SEMA3D: variants seen among roughly 807,000 people sequenced by gnomAD.
The protein encoded by SEMA3D is semaphorin-3D.
In SEMA3D, 84 loss-of-function variants were observed where a neutral mutation model predicts 100.1. The ratio of observed to expected loss-of-function variants is 0.84; its 90% CI spans 0.70 to 1.01. SEMA3D has a LOEUF of 1.01. SEMA3D is among the 50% of genes least tolerant of loss of function. The pLI is 0.00. For missense variants in SEMA3D, 875 were observed against 934.1 expected, an observed-to-expected ratio of 0.94 and a Z score of 0.82; for synonymous variants, 312 against 320.7, an observed-to-expected ratio of 0.97 and a Z score of 0.29.
At chr7:85,233,822 GA>G in the SEMA3D span, among the ~76,000 whole-genome samples, 2 of 152,112 alleles carry the variant, frequency 1.3e-5, no homozygotes, top group African/African-American at 4.8e-5. Flanking sequence ...TTTTCGTTGT[GA>G]AAGACAAAGG....
chr7:85,119,453 T>A (rs939347113), intron 3 of SEMA3D, among the ~76,000 whole-genome samples: 2 of 152,128 alleles, frequency 1.3e-5, no homozygotes, highest in Admixed American at 6.6e-5. Flanking sequence ...AACGAGATCA[T>A]GTTCTTTGCA....
chr7:85,065,021 T>C (rs1432171541), intron 8 of SEMA3D, among the ~76,000 whole-genome samples: 1 of 152,174 alleles, frequency 6.6e-6, no homozygotes, highest in African/African-American at 2.4e-5. Context: ...TTACACAGAC[T>C]GCAAGAGTAA....
At chr7:85,054,627 A>G (rs1791257367) in intron 9 of SEMA3D, among the ~76,000 whole-genome samples, 1 of 152,106 alleles carries the variant, frequency 6.6e-6, no homozygotes, top group South Asian at 2.1e-4. Flanking sequence ...TTTCATTAGC[A>G]CTTTTAAGTG....
chr7:85,117,531 C>T (rs1458825931), intron 3 of SEMA3D, among the ~76,000 whole-genome samples: 1 of 152,096 alleles, frequency 6.6e-6, no homozygotes, highest in Non-Finnish European at 1.5e-5. Flanking sequence ...ATAAGCCCAG[C>T]ATTTTGGGAA....
At chr7:85,022,682 T>C (rs990227943) in intron 12 of SEMA3D, 69 bp from the exon 13 acceptor site, 42 of 955,692 alleles carry the variant, frequency 4.4e-5, no homozygotes, top group Non-Finnish European at 7.0e-5. Context: ...TTATTTCCAA[T>C]AAAATTTGTA....
At chr7:85,156,967 C>T (rs1218284093) in intron 1 of SEMA3D, among the ~76,000 whole-genome samples, 1 of 152,100 alleles carries the variant, frequency 6.6e-6, no homozygotes, top group Non-Finnish European at 1.5e-5. Context: ...CACTACAGTG[C>T]CCAAATGGAA....
At chr7:85,205,773 G>C in the SEMA3D span, among the ~76,000 whole-genome samples, 1 of 152,048 alleles carries the variant, frequency 6.6e-6, no homozygotes, top group Non-Finnish European at 1.5e-5. Flanking sequence ...CCATGTAGGT[G>C]CTGCTTGCCC....
chr7:85,024,151 G>A (rs1036403034), intron 12 of SEMA3D, among the ~76,000 whole-genome samples: 1 of 151,830 alleles, frequency 6.6e-6, no homozygotes, highest in African/African-American at 2.4e-5. Flanking sequence ...GATTAAGCAG[G>A]GACTCAAAAT....
At position 84,999,412 on chromosome 7, in the gene SEMA3D, A is replaced by G; in HGVS notation, c.*28T>C. The G allele has an allele frequency of 6.3e-7, 1 of 1,576,304 alleles. No individual in the cohort carries two copies. The highest frequency in any genetic ancestry group is 8.7e-7 in the Non-Finnish European group (1 of 1,149,594). On this transcript the variant is annotated 3_prime_UTR_variant, in exon 19 of 19. Transcript: ENST00000284136. ...GAAGGCAATGTTTTTATAGGTAAGG[A>G]ATTCTTTTCTTTAAATTAAGTAGAA...
At chr7:85,060,174 C>T (rs971575231) in intron 8 of SEMA3D, among the ~76,000 whole-genome samples, 6 of 152,028 alleles carry the variant, frequency 3.9e-5, no homozygotes, top group Non-Finnish European at 7.4e-5. Flanking sequence ...AAATGTTTTG[C>T]AAGGGAATAC....
chr7:85,159,092 T>G (rs1310172217), intron 1 of SEMA3D, among the ~76,000 whole-genome samples: 1 of 152,162 alleles, frequency 6.6e-6, no homozygotes, highest in African/African-American at 2.4e-5. Flanking sequence ...TTTCGTCTGT[T>G]TTTTCCTCAT....
intron 15 of SEMA3D, among the ~76,000 whole-genome samples, chr7:85,015,747 T>C (rs1790079941): frequency 6.6e-6 from 1 of 151,832 alleles, no homozygotes; most frequent in African/African-American, 2.4e-5. Context: ...GAAGAAAGTA[T>C]TAAACAGGCT....
the SEMA3D span, among the ~76,000 whole-genome samples, chr7:85,248,668 A>G: frequency 6.6e-6 from 1 of 152,218 alleles, no homozygotes; most frequent in African/African-American, 2.4e-5. Context: ...CTATCCAGTC[A>G]TGAAAAGACA....
intron 2 of SEMA3D, among the ~76,000 whole-genome samples, chr7:85,134,262 CT>C (rs1397457890): frequency 6.6e-6 from 1 of 151,836 alleles, no homozygotes; most frequent in African/African-American, 2.4e-5. Flanking sequence ...CAACTAGAGA[CT>C]ACTAAATATG....
At chr7:85,103,064 A>G (rs1788798225) in intron 3 of SEMA3D, among the ~76,000 whole-genome samples, 1 of 152,090 alleles carries the variant, frequency 6.6e-6, no homozygotes, top group South Asian at 2.1e-4. Flanking sequence ...AAAATTTCTT[A>G]GGCTGACACA....
intron 12 of SEMA3D, among the ~76,000 whole-genome samples, chr7:85,032,657 C>T (rs1013436870): frequency 6.6e-6 from 1 of 151,990 alleles, no homozygotes; most frequent in African/African-American, 2.4e-5. Context: ...CATTATTAGT[C>T]TCATACTAAT....
chr7:85,107,965 C>A (rs1788980598), intron 3 of SEMA3D, among the ~76,000 whole-genome samples: 1 of 151,948 alleles, frequency 6.6e-6, no homozygotes, highest in Non-Finnish European at 1.5e-5. Context: ...TTCATTTTCC[C>A]CCAATCACAA....
chr7:85,004,952 T>C (rs1471466432), intron 18 of SEMA3D, among the ~76,000 whole-genome samples: 1 of 151,934 alleles, frequency 6.6e-6, no homozygotes, highest in African/African-American at 2.4e-5. Context: ...AATATACTTT[T>C]AAAAGGTAAA....
chr7:85,072,958 T>G lies in SEMA3D; in HGVS notation c.495+4A>C. ...ATGCTTTTCATGCTTTTTCATTATA[T>G]TACCTCCTTGTAGACTCCAAGATCA... On this transcript the variant is annotated splice_donor_region_variant and intron_variant, in intron 6 of 18. Transcript: ENST00000284136. 6.3e-7 allele frequency: 1 copy of G among 1,593,514 alleles called. No individual in the cohort carries two copies. Among genetic ancestry groups the G allele is most frequent in the Non-Finnish European group, 8.5e-7 (1 of 1,170,624 alleles).
Sources: gnomAD v4.1 joint callset for allele counts (sites outside exome capture counted in the v4.1 genomes callset) on GRCh38, gnomAD v4.1.1 for gene constraint, MANE v1.5 for transcripts, NCBI Gene and HGNC (gene_info 2026-07-23, HGNC 2026-07-21) for gene names.